C2orf92: variants seen among roughly 807,000 people sequenced by gnomAD.
C2orf92 encodes the protein chromosome 2 open reading frame 92.
At chr2:97,675,678 A>G in intron 2 of C2orf92, 167 bp from the exon 3 acceptor site, 1 of 396,584 alleles carries the variant, frequency 2.5e-6, no homozygotes, top group Admixed American at 4.4e-5. Flanking sequence ...GGAACTTCAG[A>G]TGCTTGCAGA....
intron 3 of C2orf92, among the ~76,000 whole-genome samples, chr2:97,682,602 G>A (rs1675812084): frequency 6.6e-6 from 1 of 152,082 alleles, no homozygotes; most frequent in South Asian, 2.1e-4. Context: ...CTATTAAAAG[G>A]ACTATACACC....
intron 4 of C2orf92, among the ~76,000 whole-genome samples, 156 bp downstream of exon 4, chr2:97,689,149 C>T (rs930425238): frequency 2.0e-5 from 3 of 152,214 alleles, no homozygotes; most frequent in Admixed American, 1.3e-4. Context: ...CTGAAATCCT[C>T]TCTATAACCT....
chr2:97,702,669 A>G lies in C2orf92; in HGVS notation c.666A>G (p.Ser222=). The G allele has an allele frequency of 2.5e-6, 1 of 398,906 alleles. No homozygotes were observed. The allele number at this position is 398,906 out of a possible 1,614,324, so 24.7% of individuals were successfully genotyped here. Residue 222 remains serine, a splice_region_variant and synonymous_variant, in exon 8 of 8, where the codon TCA becomes TCG. Coordinates refer to ENST00000627399, the MANE Select transcript of C2orf92 (RefSeq NM_001351368.2). ...TGTGGTTTTTGTTATTTTGTTTTAG[A>G]TCTCCTCTGGCAAACACGACATATA... ...LASYIRKKQP[S]SPLANTTYNI...
intron 5 of C2orf92, among the ~76,000 whole-genome samples, chr2:97,694,820 T>G (rs1054947057): frequency 4.6e-5 from 7 of 152,180 alleles, no homozygotes; most frequent in African/African-American, 1.4e-4. Flanking sequence ...CTGTTTCCCA[T>G]CATGGCGGTA....
At chr2:97,698,645 C>A (rs1044273554) in intron 5 of C2orf92, among the ~76,000 whole-genome samples, 1 of 152,074 alleles carries the variant, frequency 6.6e-6, no homozygotes, top group African/African-American at 2.4e-5. Flanking sequence ...GTCCTCTACC[C>A]ACAGAAGCAG....
intron 3 of C2orf92, among the ~76,000 whole-genome samples, chr2:97,681,904 T>TA (rs1675790181): frequency 6.6e-6 from 1 of 150,558 alleles, no homozygotes; most frequent in Non-Finnish European, 1.5e-5. Context: ...ATTGTACACC[T>TA]AAAGGAACTA....
At chr2:97,688,302 G>A (rs919440553) in intron 3 of C2orf92, among the ~76,000 whole-genome samples, 2 of 152,046 alleles carry the variant, frequency 1.3e-5, no homozygotes, top group African/African-American at 4.8e-5. Context: ...GGAAATACAC[G>A]GAGAATAAAT....
chr2:97,669,692 C>G (rs374452728), upstream of C2orf92: 7 of 397,374 alleles, frequency 1.8e-5, no homozygotes, highest in African/African-American at 1.2e-4. Flanking sequence ...CTTCATAGAC[C>G]GTTAGGTTCC....
chr2:97,685,547 G>A (rs1675931317), intron 3 of C2orf92, among the ~76,000 whole-genome samples: 1 of 150,536 alleles, frequency 6.6e-6, no homozygotes, highest in Non-Finnish European at 1.5e-5. Flanking sequence ...TTACAGGCGT[G>A]AGCCACTGTG....
At chr2:97,698,559 G>A (rs1676385099) in intron 5 of C2orf92, among the ~76,000 whole-genome samples, 1 of 152,190 alleles carries the variant, frequency 6.6e-6, no homozygotes, top group Non-Finnish European at 1.5e-5. Context: ...TGTACAATCT[G>A]TGAAGTAGGT....
intron 3 of C2orf92, among the ~76,000 whole-genome samples, chr2:97,679,116 T>A (rs1239012124): frequency 6.6e-6 from 1 of 151,096 alleles, no homozygotes; most frequent in Non-Finnish European, 1.5e-5. Flanking sequence ...TTATGAGAAA[T>A]GGCAAAGAGA....
chr2:97,698,510 TA>T (rs1676383253), intron 5 of C2orf92, among the ~76,000 whole-genome samples: 1 of 152,284 alleles, frequency 6.6e-6, no homozygotes, highest in African/African-American at 2.4e-5. Context: ...AGAAAATTTT[TA>T]TAGTACTTCG....
intron 1 of C2orf92, chr2:97,674,078 A>G (rs900057897): frequency 3.5e-5 from 6 of 171,690 alleles, no homozygotes; most frequent in Non-Finnish European, 6.1e-5. Flanking sequence ...TGTCATAGCA[A>G]TCTGGGGGAG....
rs141779939 is a variant in C2orf92, at chr2:97,688,792, G to A, written c.233-103G>A. 1.2e-3 allele frequency: 462 copies of A among 396,956 alleles called. 1 individual carries two copies. The highest frequency in any genetic ancestry group is 8.5e-3 in the African/African-American group (413 of 48,684). The allele number at this position is 396,956 out of a possible 1,614,324, so 24.6% of individuals were successfully genotyped here. On this transcript the variant is annotated intron_variant, in intron 3 of 7. Transcript: ENST00000627399. ...AACGTCCCATATCTGTGGCGTTTGC[G>A]TCATGTATTCACTGTATTCATAGAC...
intron 3 of C2orf92, among the ~76,000 whole-genome samples, chr2:97,679,698 C>T (rs1291045146): frequency 1.3e-5 from 2 of 150,822 alleles, no homozygotes; most frequent in African/African-American, 2.4e-5. Flanking sequence ...AAAAATTAGC[C>T]GGGCAGCAGG....
chr2:97,702,693 T>C lies in C2orf92; in HGVS notation c.690T>C (p.Tyr230=), dbSNP rs571698043. 6 of 398,998 alleles carry C rather than the reference T, an allele frequency of 1.5e-5. No homozygotes were observed. Among genetic ancestry groups the C allele is most frequent in the Admixed American group, 8.8e-5 (2 of 22,726 alleles). 24.7% of individuals were successfully genotyped at this position (398,998 alleles called of 1,614,324 possible). The change falls in exon 8 of 8, where the codon TAT becomes TAC. Residue 230 remains tyrosine (Y), a synonymous_variant. Coordinates refer to ENST00000627399, the MANE Select transcript of C2orf92 (RefSeq NM_001351368.2). ...GATCTCCTCTGGCAAACACGACATA[T>C]AATATTTTTATAATGGATGGAAAGA... The part of the protein sequence containing the change: ...QPSSPLANTT[Y]NIFIMDGKTW...
At chr2:97,687,293 A>G (rs1675998247) in intron 3 of C2orf92, among the ~76,000 whole-genome samples, 1 of 152,158 alleles carries the variant, frequency 6.6e-6, no homozygotes, top group Non-Finnish European at 1.5e-5. Context: ...CTTGAGGCCA[A>G]GAGTTTAAGG....
At chr2:97,664,596 G>C (rs1290012324) in intron 1 of C2orf92, 1 of 151,040 alleles carries the variant, frequency 6.6e-6, no homozygotes, top group Non-Finnish European at 1.5e-5. Context: ...AATAGTCTCC[G>C]TAGAGACTGT....
upstream of C2orf92, among the ~76,000 whole-genome samples, chr2:97,664,941 G>A (rs188174953): frequency 8.5e-5 from 13 of 152,306 alleles, no homozygotes; most frequent in Non-Finnish European, 1.5e-4. Context: ...CAGTTTCGTG[G>A]TATTTTGGTC....
Sources: allele counts gnomAD v4.1 joint callset (sites outside exome capture counted in the v4.1 genomes callset), GRCh38; gene constraint gnomAD v4.1.1; transcripts MANE v1.5; gene names NCBI Gene and HGNC (gene_info 2026-07-23, HGNC 2026-07-21).